The following SORCS3 variants were observed in gnomAD, a reference collection of about 807,000 sequenced individuals.
The protein encoded by SORCS3 is VPS10 domain-containing receptor SorCS3.
A neutral mutation model predicts 146.3 loss-of-function variants in SORCS3; 57 were observed. The observed-to-expected ratio is 0.39, with a 90% CI of 0.31 to 0.49. The LOEUF (loss-of-function observed/expected upper bound fraction) is 0.49. SORCS3 is among the 20% of genes least tolerant of loss of function. The pLI, the probability that SORCS3 is intolerant of heterozygous loss-of-function variation, is 0.92. For synonymous variants in SORCS3, 653 were observed against 618.5 expected (o/e 1.06, Z -0.83); for missense variants, 1,341 against 1,575.5 (o/e 0.85, Z 2.52).
At chr10:104,982,576 T>A (rs889021886) in intron 4 of SORCS3, among the ~76,000 whole-genome samples, 9 of 152,294 alleles carry the variant, frequency 5.9e-5, no homozygotes, top group African/African-American at 2.2e-4. Flanking sequence ...AAGAAAAACA[T>A]TGCATTTTTA....
intron 1 of SORCS3, among the ~76,000 whole-genome samples, chr10:104,732,781 A>T (rs185270540): frequency 3.9e-5 from 6 of 152,188 alleles, no homozygotes; most frequent in African/African-American, 1.4e-4. Flanking sequence ...GTGCTTTAAC[A>T]TCTAGATGGC....
chr10:105,171,712 C>T (rs554652056), intron 13 of SORCS3, among the ~76,000 whole-genome samples: 1 of 152,284 alleles, frequency 6.6e-6, no homozygotes, highest in South Asian at 2.1e-4. Context: ...TGAAATGGAG[C>T]AATACACCTT....
intron 1 of SORCS3, among the ~76,000 whole-genome samples, chr10:104,687,676 A>T (rs549403115): frequency 6.6e-6 from 1 of 152,142 alleles, no homozygotes; most frequent in Non-Finnish European, 1.5e-5. Flanking sequence ...TGAGCATGAG[A>T]ACTCTGTTGG....
chr10:105,257,233 A>G (rs2119765983), intron 25 of SORCS3, among the ~76,000 whole-genome samples: 1 of 152,328 alleles, frequency 6.6e-6, no homozygotes, highest in South Asian at 2.1e-4. Context: ...TTCTAAAGTA[A>G]GGTCTTATAT....
intron 1 of SORCS3, among the ~76,000 whole-genome samples, chr10:104,727,174 T>TGAGA (rs2016645865): frequency 6.6e-6 from 1 of 152,246 alleles, no homozygotes. Context: ...TGTTGAGATA[T>TGAGA]TATTTGCTGC....
chr10:105,111,970 G>A (rs11192319), intron 7 of SORCS3, among the ~76,000 whole-genome samples: 25,014 of 152,170 alleles, frequency 0.16, 2,377 homozygotes, highest in Admixed American at 0.22. Flanking sequence ...ATTGTGGGAG[G>A]GAGTGGAGTG....
At chr10:104,701,830 A>G (rs938537244) in intron 1 of SORCS3, among the ~76,000 whole-genome samples, 1 of 152,138 alleles carries the variant, frequency 6.6e-6, no homozygotes, top group Admixed American at 6.6e-5. Context: ...GGTATTGGGT[A>G]GAAAAATTAT....
At chr10:104,732,557 G>A (rs533386244) in intron 1 of SORCS3, among the ~76,000 whole-genome samples, 2 of 152,148 alleles carry the variant, frequency 1.3e-5, no homozygotes, top group African/African-American at 2.4e-5. Context: ...AGGGGGTGGG[G>A]GCAGTATGAA....
intron 7 of SORCS3, among the ~76,000 whole-genome samples, chr10:105,116,511 C>T (rs542060652): frequency 2.6e-5 from 4 of 152,224 alleles, no homozygotes; most frequent in East Asian, 1.9e-4. Flanking sequence ...GATTACCATT[C>T]GACCCAGCAA....
chr10:105,199,680 G>T (rs1302916593), intron 14 of SORCS3, among the ~76,000 whole-genome samples: 1 of 152,128 alleles, frequency 6.6e-6, no homozygotes, highest in African/African-American at 2.4e-5. Context: ...TTATATGGGT[G>T]TTGAGTTTGG....
chr10:104,932,297 A>G (rs2019215960), intron 3 of SORCS3, among the ~76,000 whole-genome samples: 2 of 152,106 alleles, frequency 1.3e-5, no homozygotes, highest in South Asian at 2.1e-4. Context: ...AGCTATAAAG[A>G]TTGTTTCTCT....
chr10:104,888,547 C>T (rs111374314), intron 2 of SORCS3, among the ~76,000 whole-genome samples: 4 of 129,326 alleles, frequency 3.1e-5, no homozygotes, highest in Non-Finnish European at 6.2e-5. Flanking sequence ...CTCTCCAGTA[C>T]TCACCTTTTT....
At chr10:105,029,798 G>A (rs1325026783) in intron 4 of SORCS3, among the ~76,000 whole-genome samples, 4 of 152,158 alleles carry the variant, frequency 2.6e-5, no homozygotes. Flanking sequence ...GCTGAAGACA[G>A]GGGGATAAAC....
intron 1 of SORCS3, among the ~76,000 whole-genome samples, chr10:104,739,272 A>T (rs897650871): frequency 1.3e-5 from 2 of 150,678 alleles, no homozygotes; most frequent in Non-Finnish European, 2.9e-5. Flanking sequence ...CAAGAGAAAC[A>T]GAAGTTGTAT....
intron 5 of SORCS3, among the ~76,000 whole-genome samples, chr10:105,051,943 C>T (rs1302236924): frequency 2.6e-5 from 4 of 152,084 alleles, no homozygotes; most frequent in Non-Finnish European, 5.9e-5. Context: ...CTGATGGGGG[C>T]TACCCATGCT....
At chr10:104,733,023 A>G (rs575681060) in intron 1 of SORCS3, among the ~76,000 whole-genome samples, 27 of 152,330 alleles carry the variant, frequency 1.8e-4, no homozygotes, top group East Asian at 1.9e-4. Flanking sequence ...CTTACAGTAC[A>G]TAAGCTGATA....
At chr10:104,980,908 T>C (rs11192258) in intron 4 of SORCS3, among the ~76,000 whole-genome samples, 11,192 of 152,254 alleles carry the variant, frequency 0.074, 1,233 homozygotes, top group African/African-American at 0.24. Flanking sequence ...AATCGAGAGA[T>C]GCACATCACA....
intron 2 of SORCS3, among the ~76,000 whole-genome samples, chr10:104,857,715 T>A (rs1232173311): frequency 1.4e-5 from 2 of 144,960 alleles, no homozygotes; most frequent in African/African-American, 2.9e-5. Context: ...CTGGTGTCAT[T>A]GAGTCTTACA....
At chr10:105,219,933 G>A (rs1006679156) in intron 19 of SORCS3, among the ~76,000 whole-genome samples, 2 of 152,106 alleles carry the variant, frequency 1.3e-5, no homozygotes, top group East Asian at 3.9e-4. Flanking sequence ...AACTTTTATC[G>A]TGCTTATAAT....
Sources: allele counts gnomAD v4.1 joint callset (sites outside exome capture counted in the v4.1 genomes callset), GRCh38; gene constraint gnomAD v4.1.1; transcripts MANE v1.5; gene names NCBI Gene and HGNC (gene_info 2026-07-23, HGNC 2026-07-21).